ANO2: variants seen among roughly 807,000 people sequenced by gnomAD.
ANO2 encodes anoctamin 2, also known as anoctamin-2.
A neutral mutation model predicts 124.2 loss-of-function variants in ANO2; 101 were observed. The observed-to-expected ratio is 0.81, with a 90% CI of 0.69 to 0.96. The LOEUF is 0.96. ANO2 is among the 40% of genes least tolerant of loss of function. The pLI is 0.00. For synonymous variants in ANO2, 486 were observed against 482.5 expected (o/e 1.01, Z -0.09); for missense variants, 1,293 against 1,274.5 (o/e 1.01, Z -0.22).
intron 10 of ANO2, among the ~76,000 whole-genome samples, chr12:5,785,910 C>T (rs1013243658): frequency 3.3e-5 from 5 of 152,144 alleles, no homozygotes; most frequent in Non-Finnish European, 7.3e-5. Flanking sequence ...CCTTAAGTGC[C>T]TCTGATATAC....
intron 3 of ANO2, among the ~76,000 whole-genome samples, chr12:5,914,951 A>T (rs756924809): frequency 6.6e-6 from 1 of 152,098 alleles, no homozygotes; most frequent in African/African-American, 2.4e-5. Context: ...TTTAAGAGAG[A>T]GTGGGAGGAG....
chr12:5,810,192 G>A (rs1396623167), intron 7 of ANO2, among the ~76,000 whole-genome samples: 1 of 152,154 alleles, frequency 6.6e-6, no homozygotes, highest in African/African-American at 2.4e-5. Context: ...GATAAGGGAA[G>A]GGAGGAGAAA....
chr12:5,920,662 G>A (rs1027226314), intron 3 of ANO2, among the ~76,000 whole-genome samples: 9 of 152,070 alleles, frequency 5.9e-5, no homozygotes, highest in South Asian at 2.1e-4. Flanking sequence ...TCGGGAGATC[G>A]AGACCATCCT....
chr12:5,928,373 T>A (rs985860668), intron 1 of ANO2, among the ~76,000 whole-genome samples: 3 of 152,090 alleles, frequency 2.0e-5, no homozygotes, highest in African/African-American at 7.2e-5. Context: ...ATCCGCACTC[T>A]CCCAGGCTTC....
intron 3 of ANO2, among the ~76,000 whole-genome samples, chr12:5,917,246 A>G (rs1239201702): frequency 6.6e-6 from 1 of 152,180 alleles, no homozygotes; most frequent in African/African-American, 2.4e-5. Context: ...GGCAGCCAAG[A>G]TGGGCAGTGG....
chr12:5,626,688 GAAGAGAC>G (rs1945425756), intron 16 of ANO2, among the ~76,000 whole-genome samples: 1 of 152,200 alleles, frequency 6.6e-6, no homozygotes, highest in African/African-American at 2.4e-5. Context: ...TCACAGCAGT[GAAGAGAC>G]AAGGAGAGGA....
chr12:5,797,294 C>G (rs1460597302), intron 10 of ANO2, among the ~76,000 whole-genome samples: 1 of 152,056 alleles, frequency 6.6e-6, no homozygotes, highest in Non-Finnish European at 1.5e-5. Flanking sequence ...AGAAATGGTG[C>G]TGAAGAAGAA....
Position 5,665,837 on chromosome 12 carries a change from C to G in ANO2, c.1546-18036G>C, listed in dbSNP as rs1049321307. On this transcript the variant is annotated intron_variant, in intron 14 of 24. Transcript: ENST00000682330. ...GCCTCAGCTGATCCAGCCAGGCTTC[C>G]TACTCTGTACCACAGGGTACAGAGC... Among the ~76,000 whole-genome samples the G allele has an allele frequency of 4.1e-4, 62 of 152,052 alleles. 1 individual carries two copies. Among genetic ancestry groups the G allele is most frequent in the Admixed American group, 3.1e-3 (48 of 15,266 alleles).
intron 23 of ANO2, among the ~76,000 whole-genome samples, chr12:5,569,351 C>T (rs970906171): frequency 3.0e-3 from 45 of 15,032 alleles, no homozygotes; most frequent in Non-Finnish European, 9.2e-3. Flanking sequence ...CCTGCAGCTG[C>T]CAGCCGTGCC....
chr12:5,845,658 C>T (rs116048313), intron 4 of ANO2, among the ~76,000 whole-genome samples: 1,930 of 151,968 alleles, frequency 0.013, 41 homozygotes, highest in African/African-American at 0.044. Context: ...CCACACTATC[C>T]ACTACCTCAA....
intron 20 of ANO2, among the ~76,000 whole-genome samples, chr12:5,585,788 A>G (rs900149630): frequency 1.3e-5 from 2 of 152,194 alleles, no homozygotes; most frequent in Non-Finnish European, 2.9e-5. Context: ...ATTGGAATGA[A>G]GTTCCCAAGC....
At chr12:5,749,956 T>C (rs1431809609) in intron 11 of ANO2, among the ~76,000 whole-genome samples, 1 of 151,998 alleles carries the variant, frequency 6.6e-6, no homozygotes, top group Non-Finnish European at 1.5e-5. Flanking sequence ...CAGAGGGGTC[T>C]TGCTCTTTCG....
chr12:5,833,402 C>G (rs529717084), intron 4 of ANO2, among the ~76,000 whole-genome samples: 1 of 152,262 alleles, frequency 6.6e-6, no homozygotes, highest in South Asian at 2.1e-4. Context: ...TTGATGATGG[C>G]CACAGATTTT....
chr12:5,777,014 T>C (rs1440674121), intron 10 of ANO2, among the ~76,000 whole-genome samples: 2 of 152,182 alleles, frequency 1.3e-5, no homozygotes, highest in Non-Finnish European at 2.9e-5. Context: ...CTACCTGAAG[T>C]TCTTTCAGAA....
chr12:5,628,161 T>C (rs1945511170), intron 16 of ANO2, among the ~76,000 whole-genome samples: 2 of 152,190 alleles, frequency 1.3e-5, no homozygotes, highest in South Asian at 4.1e-4. Context: ...AATTCTTTCT[T>C]TGTTAAAACT....
chr12:5,607,737 C>G (rs1944291377), intron 19 of ANO2, among the ~76,000 whole-genome samples: 1 of 152,176 alleles, frequency 6.6e-6, no homozygotes, highest in South Asian at 2.1e-4. Context: ...CCTACGTGAA[C>G]TGTGCATGCG....
intron 19 of ANO2, among the ~76,000 whole-genome samples, chr12:5,600,851 C>T (rs1293169354): frequency 6.6e-6 from 1 of 152,200 alleles, no homozygotes; most frequent in African/African-American, 2.4e-5. Context: ...CAACATTCTT[C>T]ACCCAAGACC....
rs60827971 is a variant in ANO2 at position 5,923,171 on chromosome 12, C to T, written c.23-367G>A. On this transcript the variant is annotated intron_variant, in intron 1 of 24. Coordinates refer to ENST00000682330, the MANE Select transcript of ANO2 (RefSeq NM_001364791.2). ...ACACATACACACACGCATACACACA[C>T]ACGCACACACACATACACACACACG... Among the ~76,000 whole-genome samples the T allele has an allele frequency of 3.8e-5, 2 of 53,168 alleles. 1 individual carries two copies. Among genetic ancestry groups the T allele is most frequent in the South Asian group, 1.5e-3 (2 of 1,304 alleles). The allele number at this position is 53,168 out of a possible 152,430, so 34.9% of individuals were successfully genotyped here. A position where few individuals can be genotyped will look rare whatever the true frequency, so the allele number is the denominator to read the frequency against.
chr12:5,822,387 G>C (rs1487777217), intron 7 of ANO2, among the ~76,000 whole-genome samples: 1 of 152,196 alleles, frequency 6.6e-6, no homozygotes, highest in Non-Finnish European at 1.5e-5. Flanking sequence ...CAGTGGAGTG[G>C]ACAGGATGAC....
Sources: gnomAD v4.1 joint callset for allele counts (sites outside exome capture counted in the v4.1 genomes callset) on GRCh38, gnomAD v4.1.1 for gene constraint, MANE v1.5 for transcripts, NCBI Gene and HGNC (gene_info 2026-07-23, HGNC 2026-07-21) for gene names.